NXPH1: variants seen among roughly 807,000 people sequenced by gnomAD.
NXPH1 encodes the protein neurexophilin-1.
Under a neutral mutation model 23.7 loss-of-function variants are expected in NXPH1, and 5 were observed. That is an observed-to-expected ratio of 0.21 (90% CI 0.11 to 0.44). The LOEUF is 0.44. Ranked by LOEUF, NXPH1 falls within the 20% of genes least tolerant of loss-of-function variation. The probability of loss-of-function intolerance (pLI) is 0.99; values close to 1 mark genes in which losing one functional copy is unlikely to be tolerated. For missense variants in NXPH1, 324 were observed against 321.6 expected, an observed-to-expected ratio of 1.01 and a Z score of -0.06; for synonymous variants, 144 against 122.2, an observed-to-expected ratio of 1.18 and a Z score of -1.18.
At chr7:8,544,764 C>T (rs148157034) in intron 2 of NXPH1, among the ~76,000 whole-genome samples, 1 of 151,588 alleles carries the variant, frequency 6.6e-6, no homozygotes, top group Non-Finnish European at 1.5e-5. Context: ...CATTTACAAA[C>T]CAACATATAT....
At chr7:8,594,083 A>G (rs147530856) in intron 2 of NXPH1, among the ~76,000 whole-genome samples, 50 of 152,166 alleles carry the variant, frequency 3.3e-4, no homozygotes, top group Non-Finnish European at 5.3e-4. Flanking sequence ...TCTGAAAGCC[A>G]GAATTCTTCA....
intron 2 of NXPH1, among the ~76,000 whole-genome samples, chr7:8,747,501 G>T (rs953805779): frequency 3.3e-5 from 5 of 152,148 alleles, no homozygotes; most frequent in African/African-American, 1.2e-4. Context: ...TCATTAGCCA[G>T]TGCATCATGA....
chr7:8,450,221 C>T (rs992237735), intron 2 of NXPH1, among the ~76,000 whole-genome samples: 1 of 152,116 alleles, frequency 6.6e-6, no homozygotes, highest in Non-Finnish European at 1.5e-5. Flanking sequence ...AAGGGGGAAA[C>T]CATATATACA....
intron 2 of NXPH1, among the ~76,000 whole-genome samples, chr7:8,464,903 G>A (rs1816755498): frequency 6.6e-6 from 1 of 152,200 alleles, no homozygotes; most frequent in Admixed American, 6.5e-5. Flanking sequence ...AGGCCTGAAA[G>A]TTAGCCTAAG....
rs2128613669 is a variant in NXPH1, at chr7:8,509,076, A to C, written c.54+73309A>C. On this transcript the variant is annotated intron_variant, in intron 2 of 2. Transcript: ENST00000405863. ...AGGAGGCATGAAGCACCATGAAGTA[A>C]AAATTCTAACACTTGGTGTAATTTT... Among the ~76,000 whole-genome samples, 2 of 152,222 alleles carry C rather than the reference A, an allele frequency of 1.3e-5. 1 individual carries two copies.
rs1816162670 is a variant in NXPH1 at position 8,434,933 on chromosome 7, G to C, written c.-111+178G>C. 1 of 152,116 alleles carries C rather than the reference G, an allele frequency of 6.6e-6. No individual in the cohort carries two copies. Among genetic ancestry groups the C allele is most frequent in the Non-Finnish European group, 1.5e-5 (1 of 68,078 alleles). 9.4% of individuals were successfully genotyped at this position (152,116 alleles called of 1,614,324 possible). On this transcript the variant is annotated intron_variant, in intron 1 of 2. Transcript: ENST00000405863. This position sits in a 1 kb window ranked among gnomAD's most constrained non-coding sequence, Gnocchi z 7.6. ...AGTTAGCGACCGGCTGTACCCTTTGGCTCGAAAAAAGTAGTGCTAGAGATG... is the reference window on the plus strand; with the variant it reads ...AGTTAGCGACCGGCTGTACCCTTTGCCTCGAAAAAAGTAGTGCTAGAGATG...
chr7:8,486,960 TTTGA>T (rs1353222296), intron 2 of NXPH1, among the ~76,000 whole-genome samples: 2 of 152,186 alleles, frequency 1.3e-5, no homozygotes, highest in African/African-American at 4.8e-5. Context: ...TTTATCTTTC[TTTGA>T]TTATTAGTTT....
intron 2 of NXPH1, among the ~76,000 whole-genome samples, chr7:8,708,794 T>C (rs1268509423): frequency 1.3e-5 from 2 of 152,204 alleles, no homozygotes; most frequent in African/African-American, 4.8e-5. Context: ...TTTTGATGGA[T>C]TGTTAGCAAG....
intron 2 of NXPH1, among the ~76,000 whole-genome samples, chr7:8,491,025 C>T (rs1817240456): frequency 6.6e-6 from 1 of 151,968 alleles, no homozygotes; most frequent in South Asian, 2.1e-4. Context: ...CCTGCGACAC[C>T]TGCTTTGGTT....
chr7:8,711,863 T>G (rs1414363555), intron 2 of NXPH1, among the ~76,000 whole-genome samples: 1 of 152,144 alleles, frequency 6.6e-6, no homozygotes, highest in Non-Finnish European at 1.5e-5. Flanking sequence ...AAGCAAATTT[T>G]GGGAAGGATA....
At chr7:8,507,653 G>A (rs944959941) in intron 2 of NXPH1, among the ~76,000 whole-genome samples, 1 of 152,106 alleles carries the variant, frequency 6.6e-6, no homozygotes, top group African/African-American at 2.4e-5. Flanking sequence ...GCTGAAAGCT[G>A]CAGCTAGATC....
At chr7:8,471,038 G>T (rs1816864383) in intron 2 of NXPH1, among the ~76,000 whole-genome samples, 2 of 152,092 alleles carry the variant, frequency 1.3e-5, no homozygotes, top group Admixed American at 1.3e-4. Flanking sequence ...TTTTTTGGGT[G>T]ATTGGGGTAG....
At chr7:8,676,712 T>C (rs1820958918) in intron 2 of NXPH1, among the ~76,000 whole-genome samples, 1 of 152,184 alleles carries the variant, frequency 6.6e-6, no homozygotes, top group African/African-American at 2.4e-5. Flanking sequence ...GTAAGTTGCT[T>C]AACTGGGTAA....
intron 2 of NXPH1, among the ~76,000 whole-genome samples, chr7:8,517,659 ATC>A (rs1449098669): frequency 3.3e-5 from 5 of 152,244 alleles, no homozygotes; most frequent in African/African-American, 1.2e-4. Flanking sequence ...CCCAGAAGAG[ATC>A]TCTCCTCATA....
intron 2 of NXPH1, among the ~76,000 whole-genome samples, chr7:8,722,933 G>A (rs1779992823): frequency 6.6e-6 from 1 of 152,144 alleles, no homozygotes; most frequent in Non-Finnish European, 1.5e-5. Flanking sequence ...GGATTTTCAT[G>A]ACACAACCAC....
At chr7:8,749,945 A>C (rs916614399) in intron 2 of NXPH1, among the ~76,000 whole-genome samples, 2 of 152,118 alleles carry the variant, frequency 1.3e-5, no homozygotes, top group Non-Finnish European at 2.9e-5. Context: ...ATCTCTGTGC[A>C]GTTCGAAATA....
At chr7:8,597,475 G>T (rs561583927) in intron 2 of NXPH1, among the ~76,000 whole-genome samples, 1 of 151,942 alleles carries the variant, frequency 6.6e-6, no homozygotes, top group Non-Finnish European at 1.5e-5. Flanking sequence ...AATAAAGGTT[G>T]TACAATTACT....
At chr7:8,655,459 C>CACACACAA (rs1820563562) in intron 2 of NXPH1, among the ~76,000 whole-genome samples, 1 of 131,960 alleles carries the variant, frequency 7.6e-6, no homozygotes, top group Non-Finnish European at 1.6e-5. Flanking sequence ...TATACACACA[C>CACACACAA]ACACACACAC....
intron 2 of NXPH1, among the ~76,000 whole-genome samples, chr7:8,451,723 C>T (rs1458934324): frequency 6.6e-6 from 1 of 152,204 alleles, no homozygotes; most frequent in African/African-American, 2.4e-5. Flanking sequence ...CAACCCTCCT[C>T]TTATATTCAG....
Sources: gnomAD v4.1 joint callset for allele counts (sites outside exome capture counted in the v4.1 genomes callset) on GRCh38, gnomAD v4.1.1 for gene constraint, Gnocchi (gnomAD v3.1) non-coding constraint, MANE v1.5 for transcripts, NCBI Gene and HGNC (gene_info 2026-07-23, HGNC 2026-07-21) for gene names.